Variants in SETD2 observed in about 807,000 individuals in gnomAD.
SETD2 encodes the protein SET domain containing 2, histone lysine methyltransferase.
SETD2 carries 31 observed loss-of-function variants against 242.1 expected under a neutral mutation model. That is an observed-to-expected ratio of 0.13 (90% CI 0.10 to 0.17). The LOEUF (loss-of-function observed/expected upper bound fraction) is 0.17. SETD2 is among the 10% of genes least tolerant of loss of function. The pLI is 1.00. For synonymous variants in SETD2, 1,006 were observed against 1,066.5 expected, an observed-to-expected ratio of 0.94 and a Z score of 1.11; for missense variants, 2,481 against 3,046.3, an observed-to-expected ratio of 0.81 and a Z score of 4.37.
intron 8 of SETD2, 31 bp from the exon 9 acceptor site, chr3:47,098,112 T>TA (rs1274790216): frequency 6.2e-7 from 1 of 1,612,114 alleles, no homozygotes; most frequent in Non-Finnish European, 8.5e-7. Context: ...AGAAGTCAGC[T>TA]ATGTGGAAGT....
At chr3:47,086,364 A>C in intron 10 of SETD2, 50 bp from the exon 11 acceptor site, 2 of 1,590,552 alleles carry the variant, frequency 1.3e-6, no homozygotes, top group South Asian at 1.1e-5. Flanking sequence ...AGGCAATATC[A>C]GAATATTACA....
chr3:47,037,103 T>G (rs2039040095), intron 18 of SETD2, among the ~76,000 whole-genome samples: 1 of 140,562 alleles, frequency 7.1e-6, no homozygotes, highest in Non-Finnish European at 1.5e-5. Flanking sequence ...GATTCAGGGT[T>G]GTAATGGGAT....
intron 16 of SETD2, 53 bp from the exon 17 acceptor site, chr3:47,042,753 T>G (rs1460922410): frequency 2.7e-6 from 4 of 1,498,464 alleles, no homozygotes; most frequent in Non-Finnish European, 3.6e-6. Flanking sequence ...TTAATCTGGC[T>G]GAATAGGACA....
chr3:47,163,110 G>A (rs1244058472), intron 1 of SETD2, among the ~76,000 whole-genome samples: 2 of 152,200 alleles, frequency 1.3e-5, no homozygotes, highest in African/African-American at 2.4e-5. Context: ...CAACCTGCAA[G>A]AAAATGTATG....
Position 47,066,777 on chromosome 3 carries a change from A to C in SETD2, c.6109+293T>G, listed in dbSNP as rs540058529. 6.6e-5 allele frequency among the ~76,000 whole-genome samples: 10 copies of C among 150,408 alleles called. 1 individual carries two copies. The South Asian group carries it at 1.2e-3, about 19-fold the overall frequency. ...ACAATAATAAAAGAAAAAAAGACTAAATAAAAAAAATAAAGAATGTCTGCT... is the reference window on the plus strand; with the variant it reads ...ACAATAATAAAAGAAAAAAAGACTACATAAAAAAAATAAAGAATGTCTGCT... On this transcript the variant is annotated intron_variant, in intron 13 of 20. Transcript: ENST00000409792.
chr3:47,088,292 A>AAC (rs1491073802), intron 9 of SETD2, 45 bp from the exon 10 acceptor site: 4 of 922,004 alleles, frequency 4.3e-6, no homozygotes, highest in African/African-American at 1.8e-5. Context: ...CAACAACAAC[A>AAC]AAAAAAAAAA....
chr3:47,123,425 C>T lies in SETD2; in HGVS notation c.1211G>A (p.Arg404Lys), dbSNP rs1575818079. 2 of 1,551,674 alleles carry T rather than the reference C, an allele frequency of 1.3e-6. No homozygotes were observed. The highest frequency in any genetic ancestry group is 1.7e-6 in the Non-Finnish European group (2 of 1,146,988). Residue 404 changes from arginine (R) to lysine (K), a missense_variant, in exon 3 of 21, where the codon AGA becomes AAA. By Grantham distance (26) the Arg-to-Lys change is conservative (BLOSUM62 2). Transcript: ENST00000409792. ...CRSERERRRS[R>K]SHSRSERGSR... is the part of the protein sequence containing the mutation. ...GCCTCTCTCAGACCTAGAGTGAGAT[C>T]TGCTCCGCCGTCGCTCTCTTTCTGA...
chr3:47,076,252 A>G (rs2107621940), intron 12 of SETD2, among the ~76,000 whole-genome samples: 1 of 152,372 alleles, frequency 6.6e-6, no homozygotes. Context: ...GAATATTAGC[A>G]GCAGAGGTCT....
chr3:47,100,740 G>A (rs2042177679), intron 8 of SETD2, among the ~76,000 whole-genome samples: 1 of 152,026 alleles, frequency 6.6e-6, no homozygotes, highest in Non-Finnish European at 1.5e-5. Context: ...GCCGGGCGCA[G>A]TGGCTCAAGC....
At chr3:47,142,305 C>T (rs2043748551) in intron 1 of SETD2, among the ~76,000 whole-genome samples, 2 of 152,058 alleles carry the variant, frequency 1.3e-5, no homozygotes, top group South Asian at 4.2e-4. Context: ...GCTAGGAGTT[C>T]GAGACCATCC....
At chr3:47,126,588 C>G in intron 2 of SETD2, 60 bp downstream of exon 2, 1 of 862,702 alleles carries the variant, frequency 1.2e-6, no homozygotes, top group Non-Finnish European at 1.8e-6. Context: ...TACCCAATTT[C>G]TAAAATGTGT....
rs2038036757 is a variant in SETD2 at position 47,017,579 on chromosome 3, G to A, written c.7533+59C>T. 5.8e-6 allele frequency: 7 copies of A among 1,200,860 alleles called. No homozygotes were observed. Among genetic ancestry groups the A allele is most frequent in the African/African-American group, 3.0e-5 (2 of 66,626 alleles). The allele number at this position is 1,200,860 out of a possible 1,614,324, so 74.4% of individuals were successfully genotyped here. On this transcript the variant is annotated intron_variant, in intron 20 of 20. Transcript: ENST00000409792. The surrounding 1 kb of genome is among the most constrained non-coding windows in gnomAD (Gnocchi z 4.8). ...TTTCTATGATGAAAAGGGCTTCTTA[G>A]AAGGTACACAGTTTGCCCAGAACAT...
chr3:47,120,599 C>A lies in SETD2; in HGVS notation c.4037G>T (p.Gly1346Val), dbSNP rs780288575. The A allele has an allele frequency of 2.5e-5, 40 of 1,613,936 alleles. No individual in the cohort carries two copies. The highest frequency in any genetic ancestry group is 3.2e-5 in the Non-Finnish European group (38 of 1,180,022). Residue 1346 changes from glycine (G) to valine (V), a missense_variant, in exon 3 of 21, where the codon GGA (glycine) becomes GTA (valine). Gly to Val is a moderately radical substitution (Grantham distance 109, BLOSUM62 -3). This residue lies in a region of SETD2 where 1,300 missense variants were observed against 1,259.2 expected (regional missense o/e 1.03). Coordinates refer to ENST00000409792, the MANE Select transcript of SETD2 (RefSeq NM_014159.7). ...EEEENWDQQD[G>V]SHFSDQSDKF... The stretch of plus-strand genomic sequence containing the variant: ...ATCGGACTGGTCTGAAAAATGGGAT[C>A]CATCCTGTTGATCCCAATTCTCCTC...
At position 47,120,721 on chromosome 3, in the gene SETD2, G is replaced by A. The variant is rs749674602; in HGVS notation, c.3915C>T (p.Tyr1305=). Residue 1305 remains tyrosine, a synonymous_variant, in exon 3 of 21, where the codon TAC becomes TAT. Transcript: ENST00000409792. ...GTRDYWQGNG[Y]WDPRSGRPPG... ...GAGGTCTACCTGATCTTGGATCCCA[G>A]TAACCATTGCCTTGCCAGTAATCAC... The A allele has an allele frequency of 5.0e-6, 8 of 1,614,048 alleles. No individual in the cohort carries two copies. Among genetic ancestry groups the A allele is most frequent in the African/African-American group, 2.7e-5 (2 of 74,922 alleles).
At chr3:47,036,127 GCTC>G (rs1315752115) in intron 18 of SETD2, among the ~76,000 whole-genome samples, 2 of 152,150 alleles carry the variant, frequency 1.3e-5, no homozygotes, top group Non-Finnish European at 2.9e-5. Context: ...TCTCACTCCA[GCTC>G]CTTTTCTTCC....
intron 1 of SETD2, among the ~76,000 whole-genome samples, chr3:47,158,416 CCT>C (rs2044174120): frequency 6.6e-6 from 1 of 152,170 alleles, no homozygotes; most frequent in African/African-American, 2.4e-5. Context: ...ACCTCCTCCA[CCT>C]CTGTCACTCA....
intron 6 of SETD2, 43 bp from the exon 7 acceptor site, chr3:47,103,466 A>C (rs763275474): frequency 7.5e-7 from 1 of 1,326,302 alleles, no homozygotes; most frequent in South Asian, 1.2e-5. Context: ...ATAATACCTT[A>C]AATATTCATG....
intron 1 of SETD2, chr3:47,157,521 T>A (rs1312790436): frequency 2.2e-6 from 1 of 456,066 alleles, no homozygotes. Context: ...TACTTTCACA[T>A]CATGGCGCCT....
At chr3:47,149,023 T>C (rs1272077758) in intron 1 of SETD2, among the ~76,000 whole-genome samples, 1 of 152,130 alleles carries the variant, frequency 6.6e-6, no homozygotes, top group African/African-American at 2.4e-5. Context: ...GCATATACAT[T>C]TGCAAAGTCA....
Sources: allele counts gnomAD v4.1 joint callset (sites outside exome capture counted in the v4.1 genomes callset), GRCh38; gene constraint gnomAD v4.1.1; regional missense constraint gnomAD v4.1.1; non-coding constraint Gnocchi (gnomAD v3.1); transcripts MANE v1.5; gene names NCBI Gene and HGNC (gene_info 2026-07-23, HGNC 2026-07-21).